Variants in XIRP2 observed in about 807,000 individuals in gnomAD.
XIRP2 encodes xin actin-binding repeat-containing protein 2.
In XIRP2, 236 loss-of-function variants were observed where a neutral mutation model predicts 277.0. The observed-to-expected ratio is 0.85, with a 90% CI of 0.77 to 0.95. The LOEUF is 0.95. XIRP2 is among the 40% of genes least tolerant of loss of function. The pLI is 0.00. For missense variants in XIRP2, 4,640 were observed against 4,157.5 expected, an observed-to-expected ratio of 1.12 and a Z score of -3.19; for synonymous variants, 1,490 against 1,416.5, an observed-to-expected ratio of 1.05 and a Z score of -1.17.
chr2:167,250,549 T>C lies in XIRP2; in HGVS notation c.9157T>C (p.Ser3053Pro). Residue 3053 changes from serine (S) to proline (P), a missense_variant, in exon 9 of 11, where the codon TCA becomes CCA. By Grantham distance (74) the Ser-to-Pro change is moderately conservative. Transcript: ENST00000409195. The part of the protein sequence containing the change: ...GNKPTSLDET[S>P]SKVSNVHVSN... ...TAAACCCACTAGTCTTGATGAAACATCATCCAAAGTATCTAATGTTCATGT... is the reference window on the plus strand; with the variant it reads ...TAAACCCACTAGTCTTGATGAAACACCATCCAAAGTATCTAATGTTCATGT... The C allele has an allele frequency of 6.2e-7, 1 of 1,613,528 alleles. No individual in the cohort carries two copies. Among genetic ancestry groups the C allele is most frequent in the Non-Finnish European group, 8.5e-7 (1 of 1,179,690 alleles).
At chr2:167,256,547 C>T (rs1465423921) in intron 10 of XIRP2, among the ~76,000 whole-genome samples, 2 of 151,654 alleles carry the variant, frequency 1.3e-5, no homozygotes, top group African/African-American at 2.4e-5. Context: ...ATTTTGAAGT[C>T]ATAGGTTAAA....
intron 4 of XIRP2, among the ~76,000 whole-genome samples, chr2:167,216,839 T>C (rs1694260098): frequency 8.3e-6 from 1 of 120,266 alleles, no homozygotes; most frequent in South Asian, 3.0e-4. Context: ...CACACGTATG[T>C]TTATTGCGGC....
intron 2 of XIRP2, among the ~76,000 whole-genome samples, chr2:167,116,025 AT>A (rs1250944793): frequency 6.6e-6 from 1 of 152,170 alleles, no homozygotes; most frequent in East Asian, 1.9e-4. Flanking sequence ...ATTATTTTAA[AT>A]TTGTTGAGGT....
intron 2 of XIRP2, among the ~76,000 whole-genome samples, chr2:167,061,781 C>T (rs1295821931): frequency 6.6e-6 from 1 of 152,004 alleles, no homozygotes; most frequent in Non-Finnish European, 1.5e-5. Context: ...GGATTGCCGG[C>T]AACCACCGAA....
At chr2:167,095,063 A>G (rs1286522816) in intron 2 of XIRP2, among the ~76,000 whole-genome samples, 2 of 151,802 alleles carry the variant, frequency 1.3e-5, no homozygotes, top group Admixed American at 6.6e-5. Context: ...TAGGTTTTTT[A>G]TTCTCTTTGT....
At chr2:167,072,687 T>C (rs1023363974) in intron 2 of XIRP2, among the ~76,000 whole-genome samples, 1 of 152,192 alleles carries the variant, frequency 6.6e-6, no homozygotes, top group Non-Finnish European at 1.5e-5. Context: ...AACAATGACT[T>C]GTACATGAAC....
chr2:166,911,634 G>A (rs1558913019), intron 2 of XIRP2, among the ~76,000 whole-genome samples: 1 of 152,146 alleles, frequency 6.6e-6, no homozygotes, highest in South Asian at 2.1e-4. Context: ...TGTTATGTGT[G>A]AATTTGATCC....
chr2:167,040,097 A>G (rs1424693698), intron 2 of XIRP2, among the ~76,000 whole-genome samples: 2 of 152,080 alleles, frequency 1.3e-5, no homozygotes, highest in Non-Finnish European at 2.9e-5. Flanking sequence ...TTTCAATAAT[A>G]TTAGAAGCAT....
chr2:166,919,749 CA>C (rs1193492031), intron 2 of XIRP2, among the ~76,000 whole-genome samples: 1 of 151,724 alleles, frequency 6.6e-6, no homozygotes, highest in African/African-American at 2.4e-5. Context: ...GAAATAAAAA[CA>C]AGAAATATAA....
intron 1 of XIRP2, among the ~76,000 whole-genome samples, chr2:166,900,756 A>G (rs1684365982): frequency 1.3e-5 from 2 of 152,194 alleles, no homozygotes; most frequent in East Asian, 1.9e-4. Flanking sequence ...CTTCACTGAC[A>G]TCATTGCCAG....
At chr2:167,221,253 A>C (rs1236316504) in intron 5 of XIRP2, among the ~76,000 whole-genome samples, 1 of 151,996 alleles carries the variant, frequency 6.6e-6, no homozygotes, top group Non-Finnish European at 1.5e-5. Context: ...TGGGCAGATC[A>C]CCTGAATTCA....
chr2:167,083,427 G>A (rs187034884), intron 2 of XIRP2, among the ~76,000 whole-genome samples: 1 of 152,184 alleles, frequency 6.6e-6, no homozygotes, highest in Non-Finnish European at 1.5e-5. Context: ...GGCGATGCGG[G>A]CTCTTTTTCG....
At chr2:167,196,389 T>C (rs1693510272) in intron 3 of XIRP2, among the ~76,000 whole-genome samples, 1 of 150,342 alleles carries the variant, frequency 6.7e-6, no homozygotes, top group Non-Finnish European at 1.5e-5. Flanking sequence ...CTGGAGTCTA[T>C]ACATGGTTGG....
At chr2:166,967,786 A>T (rs957918783) in intron 2 of XIRP2, among the ~76,000 whole-genome samples, 1 of 151,886 alleles carries the variant, frequency 6.6e-6, no homozygotes, top group African/African-American at 2.4e-5. Flanking sequence ...AAGAAATTTT[A>T]TTTACATTAT....
chr2:166,935,631 C>A (rs1349208789), intron 2 of XIRP2, among the ~76,000 whole-genome samples: 3 of 152,130 alleles, frequency 2.0e-5, no homozygotes, highest in Non-Finnish European at 2.9e-5. Flanking sequence ...TCTCATTCTT[C>A]AATTCCCACC....
intron 2 of XIRP2, among the ~76,000 whole-genome samples, chr2:167,067,119 T>G (rs886566376): frequency 1.3e-5 from 2 of 152,132 alleles, no homozygotes; most frequent in African/African-American, 2.4e-5. Flanking sequence ...TCTTCAAATA[T>G]GTGTTCTGCC....
chr2:167,068,763 G>C (rs188702761), intron 2 of XIRP2, among the ~76,000 whole-genome samples: 434 of 152,216 alleles, frequency 2.9e-3, no homozygotes, highest in African/African-American at 1.0e-2. Context: ...CCCAGGGGTC[G>C]CATGCAGCCC....
intron 2 of XIRP2, among the ~76,000 whole-genome samples, chr2:167,006,205 G>A (rs1329672016): frequency 1.3e-5 from 2 of 151,640 alleles, no homozygotes; most frequent in Non-Finnish European, 2.9e-5. Context: ...AGGAGCTTTG[G>A]GTAAGATACT....
chr2:167,096,443 T>C (rs1401777243), intron 2 of XIRP2, among the ~76,000 whole-genome samples: 1 of 152,182 alleles, frequency 6.6e-6, no homozygotes, highest in Non-Finnish European at 1.5e-5. Flanking sequence ...CCCTCTTTTA[T>C]TCTTTATTAG....
Sources: gnomAD v4.1 joint callset for allele counts (sites outside exome capture counted in the v4.1 genomes callset) on GRCh38, gnomAD v4.1.1 for gene constraint, MANE v1.5 for transcripts, NCBI Gene and HGNC (gene_info 2026-07-23, HGNC 2026-07-21) for gene names.